Variants in PCDH10 observed in about 807,000 individuals in gnomAD.
The protein encoded by PCDH10 is protocadherin 10, also known as protocadherin-10.
Under a neutral mutation model 74.4 loss-of-function variants are expected in PCDH10, and 15 were observed. The ratio of observed to expected loss-of-function variants is 0.20; its 90% confidence interval spans 0.13 to 0.31. PCDH10 has a LOEUF of 0.31. Among genes scored for constraint, PCDH10 ranks in the 10% least tolerant of loss-of-function variants. PCDH10 has a pLI of 1.00. For synonymous variants in PCDH10, 619 were observed against 589.8 expected, an observed-to-expected ratio of 1.05 and a Z score of -0.72; for missense variants, 1,260 against 1,390.2, an observed-to-expected ratio of 0.91 and a Z score of 1.49.
At chr4:133,205,089 C>A (rs529824699) in intron 2 of PCDH10, among the ~76,000 whole-genome samples, 16 of 152,268 alleles carry the variant, frequency 1.1e-4, no homozygotes, top group Non-Finnish European at 2.1e-4. Flanking sequence ...TGTGCATGGT[C>A]TCCTTGATAA....
chr4:133,156,269 T>C (rs1726861516), intron 3 of PCDH10, among the ~76,000 whole-genome samples: 1 of 152,242 alleles, frequency 6.6e-6, no homozygotes, highest in African/African-American at 2.4e-5. Context: ...TGTCTGTGGC[T>C]GCCTTAGCCT....
intron 4 of PCDH10, among the ~76,000 whole-genome samples, chr4:133,183,017 T>G (rs1727448190): frequency 6.6e-6 from 1 of 151,930 alleles, no homozygotes; most frequent in South Asian, 2.1e-4. Flanking sequence ...TGACGATTCT[T>G]GTATCTAAAT....
At chr4:133,178,504 G>T (rs1352175039) in intron 4 of PCDH10, among the ~76,000 whole-genome samples, 1 of 151,834 alleles carries the variant, frequency 6.6e-6, no homozygotes, top group Non-Finnish European at 1.5e-5. Flanking sequence ...CCAAAGTGCT[G>T]GGATTACAGG....
intron 4 of PCDH10, among the ~76,000 whole-genome samples, chr4:133,174,239 T>G (rs1328420298): frequency 2.0e-5 from 3 of 151,994 alleles, no homozygotes; most frequent in Non-Finnish European, 4.4e-5. Flanking sequence ...AATACATGCT[T>G]TCTTCATCAC....
At chr4:133,181,635 G>C (rs1412335395) in intron 4 of PCDH10, among the ~76,000 whole-genome samples, 1 of 149,416 alleles carries the variant, frequency 6.7e-6, no homozygotes, top group Non-Finnish European at 1.5e-5. Flanking sequence ...TAGTCTTGGT[G>C]CTTTAGTGCA....
At chr4:133,197,583 G>T (rs1255284174), downstream of PCDH10, among the ~76,000 whole-genome samples, 1 of 152,076 alleles carries the variant, frequency 6.6e-6, no homozygotes, top group Non-Finnish European at 1.5e-5. Flanking sequence ...ATTGTGAAGG[G>T]AATTTATTGA....
intron 4 of PCDH10, among the ~76,000 whole-genome samples, chr4:133,184,780 ATATAAATATATATATT>A (rs1474490217): frequency 1.4e-4 from 20 of 138,492 alleles, no homozygotes; most frequent in Middle Eastern, 3.6e-3. Flanking sequence ...ATAAATATAT[ATATAAATATATATATT>A]TATATATATA....
intron 4 of PCDH10, among the ~76,000 whole-genome samples, chr4:133,182,546 T>C (rs1360597495): frequency 6.6e-6 from 1 of 152,134 alleles, no homozygotes; most frequent in Non-Finnish European, 1.5e-5. Context: ...AATGCTATTT[T>C]CAAATATTTC....
intron 4 of PCDH10, among the ~76,000 whole-genome samples, chr4:133,173,552 A>G (rs1172392137): frequency 6.6e-6 from 1 of 151,960 alleles, no homozygotes; most frequent in Non-Finnish European, 1.5e-5. Context: ...TTTCCCATGA[A>G]ATGCCTTTCC....
chr4:133,153,811 T>C (rs1726800790), intron 1 of PCDH10: 1 of 152,884 alleles, frequency 6.5e-6, no homozygotes, highest in Admixed American at 6.5e-5. Context: ...TTGACTTTCA[T>C]GAATATTTGT....
chr4:133,154,427 T>C, intron 2 of PCDH10, 62 bp downstream of exon 2: 1 of 887,650 alleles, frequency 1.1e-6, no homozygotes, highest in Non-Finnish European at 1.8e-6. Context: ...AAGTAGGAAG[T>C]AGGTATATTA....
At chr4:133,157,823 C>T (rs989939402) in intron 3 of PCDH10, among the ~76,000 whole-genome samples, 2 of 151,004 alleles carry the variant, frequency 1.3e-5, no homozygotes, top group Non-Finnish European at 3.0e-5. Context: ...ATCTTCCACC[C>T]CCTCCTTCTT....
At chr4:133,204,181 G>A (rs1253091674) in intron 2 of PCDH10, among the ~76,000 whole-genome samples, 6 of 152,160 alleles carry the variant, frequency 3.9e-5, no homozygotes, top group Non-Finnish European at 4.4e-5. Flanking sequence ...TGGGCAAGGT[G>A]GCTACCCTTG....
At chr4:133,201,856 CA>C (rs11400760) in intron 2 of PCDH10, among the ~76,000 whole-genome samples, 2,443 of 72,248 alleles carry the variant, frequency 0.034, 41 homozygotes, top group African/African-American at 0.11. Flanking sequence ...AACTCCATCT[CA>C]AAAAAAAAAA....
At chr4:133,183,203 T>A (rs1727454390) in intron 4 of PCDH10, among the ~76,000 whole-genome samples, 1 of 152,108 alleles carries the variant, frequency 6.6e-6, no homozygotes, top group African/African-American at 2.4e-5. Flanking sequence ...TCAAACAAAA[T>A]TGAGTTACTA....
intron 3 of PCDH10, among the ~76,000 whole-genome samples, chr4:133,158,801 T>G (rs1323254325): frequency 1.3e-5 from 2 of 152,102 alleles, no homozygotes; most frequent in Non-Finnish European, 2.9e-5. Context: ...TTATAAAACC[T>G]TATTCACTGG....
rs193200289 is a variant in PCDH10 at position 133,182,240 on chromosome 4, C to A, written c.3104-7901C>A. On this transcript the variant is annotated intron_variant, in intron 4 of 4. Coordinates refer to ENST00000264360, the MANE Select transcript of PCDH10 (RefSeq NM_032961.3). ...TTTTCATGCCTTCTGTTTTGAAAAT[C>A]AATGCTAGTTTCAACCTCACAGGAA... Among the ~76,000 whole-genome samples, 5 of 152,082 alleles carry A rather than the reference C, an allele frequency of 3.3e-5. No homozygotes were observed. The East Asian group carries it at 9.7e-4, about 30-fold the overall frequency.
chr4:133,205,115 T>C (rs1727976283), intron 2 of PCDH10, among the ~76,000 whole-genome samples: 1 of 152,142 alleles, frequency 6.6e-6, no homozygotes, highest in Non-Finnish European at 1.5e-5. Context: ...ATGGTTTGGT[T>C]AGGAGACCTC....
rs977367184 is a variant in PCDH10 at position 133,192,830 on chromosome 4, A to T, written c.*2670A>T. ...TTTTCTTCCAATGAGGGGGACTATA[A>T]AATGGAAAGTGCAACCAACAAATAA... On this transcript the variant is annotated 3_prime_UTR_variant, in exon 5 of 5. Coordinates refer to ENST00000264360, the MANE Select transcript of PCDH10 (RefSeq NM_032961.3). 3 of 151,606 alleles carry T rather than the reference A, an allele frequency of 2.0e-5. No homozygotes were observed. The highest frequency in any genetic ancestry group is 4.4e-5 in the Non-Finnish European group (3 of 67,620). 9.4% of individuals were successfully genotyped at this position (151,606 alleles called of 1,614,324 possible).
Sources: allele counts gnomAD v4.1 joint callset (sites outside exome capture counted in the v4.1 genomes callset), GRCh38; gene constraint gnomAD v4.1.1; transcripts MANE v1.5; gene names NCBI Gene and HGNC (gene_info 2026-07-23, HGNC 2026-07-21).